Variants in ESRRG observed in about 807,000 individuals in gnomAD.
ESRRG encodes estrogen-related receptor gamma.
ESRRG carries 13 observed loss-of-function variants against 44.0 expected under a neutral mutation model. That is an observed-to-expected ratio of 0.30 (90% CI 0.19 to 0.47). The LOEUF (loss-of-function observed/expected upper bound fraction) is 0.47, where lower values mean the gene tolerates loss of function less well. Ranked by LOEUF, ESRRG falls within the 20% of genes least tolerant of loss-of-function variation. ESRRG has a pLI of 1.00. For synonymous variants in ESRRG, 215 were observed against 214.6 expected (o/e 1.00, Z -0.02); for missense variants, 395 against 580.6 (o/e 0.68, Z 3.29).
intron 1 of ESRRG, among the ~76,000 whole-genome samples, chr1:216,994,962 G>C (rs2076195383): frequency 6.6e-6 from 1 of 152,168 alleles, no homozygotes; most frequent in African/African-American, 2.4e-5. Flanking sequence ...ACACAGATGA[G>C]AGCACCTTCA....
chr1:217,112,260 C>T (rs972972548), intron 1 of ESRRG, among the ~76,000 whole-genome samples: 4 of 152,188 alleles, frequency 2.6e-5, no homozygotes, highest in East Asian at 1.9e-4. Flanking sequence ...TGTATAACTA[C>T]AGCAGAATTT....
chr1:217,120,317 T>A (rs2092802848), intron 1 of ESRRG, among the ~76,000 whole-genome samples: 1 of 152,066 alleles, frequency 6.6e-6, no homozygotes. Context: ...ATTTCATACC[T>A]AATCCTAGAA....
chr1:216,949,462 C>T (rs547070371), intron 1 of ESRRG, among the ~76,000 whole-genome samples: 1 of 152,180 alleles, frequency 6.6e-6, no homozygotes, highest in East Asian at 1.9e-4. Flanking sequence ...TGTACTTAAC[C>T]TTCTTTCAAC....
chr1:216,802,103 C>T (rs1280306521), intron 2 of ESRRG, among the ~76,000 whole-genome samples: 1 of 152,132 alleles, frequency 6.6e-6, no homozygotes, highest in Non-Finnish European at 1.5e-5. Flanking sequence ...TCCCTTCCCC[C>T]AAAGAGCAAA....
In ESRRG at chr1:217,005,781, C is replaced by T. The variant is rs1033923994; in HGVS notation, c.-105-66108G>A. Among the ~76,000 whole-genome samples the T allele has an allele frequency of 3.3e-5, 5 of 152,094 alleles. No individual in the cohort carries two copies. The South Asian group carries it at 1.0e-3, about 31-fold the overall frequency. ...CCATAGCTTTCTATGTCAAAATTCT[C>T]TCTTCTTTTTTTCTAAGCATTTTAA... On this transcript the variant is annotated intron_variant, in intron 1 of 7. Transcript: ENST00000359162.
chr1:216,692,186 T>C (rs1428486982), intron 1 of ESRRG, among the ~76,000 whole-genome samples: 1 of 152,018 alleles, frequency 6.6e-6, no homozygotes, highest in African/African-American at 2.4e-5. Context: ...GGAGAAGGCA[T>C]TGTTGTCATA....
At chr1:216,900,399 C>T (rs2149479345) in intron 2 of ESRRG, among the ~76,000 whole-genome samples, 1 of 152,248 alleles carries the variant, frequency 6.6e-6, no homozygotes. Flanking sequence ...AAGATATCGC[C>T]CACTCATGTT....
At chr1:216,886,589 A>G (rs2576267) in intron 2 of ESRRG, among the ~76,000 whole-genome samples, 32,586 of 152,142 alleles carry the variant, frequency 0.21, 4,677 homozygotes, top group African/African-American at 0.4. Flanking sequence ...TCATCCTCCA[A>G]TATGCCTGTA....
intron 1 of ESRRG, among the ~76,000 whole-genome samples, chr1:217,050,433 C>T (rs966258128): frequency 1.3e-5 from 2 of 152,166 alleles, no homozygotes; most frequent in African/African-American, 4.8e-5. Context: ...TTGGGGACAA[C>T]TGAAGTTTGA....
chr1:216,983,508 A>C (rs1452833482), intron 1 of ESRRG, among the ~76,000 whole-genome samples: 1 of 152,174 alleles, frequency 6.6e-6, no homozygotes, highest in Non-Finnish European at 1.5e-5. Flanking sequence ...CTAGGATTAC[A>C]AACGTGATGT....
chr1:216,737,924 C>G (rs927365875), intron 2 of ESRRG, among the ~76,000 whole-genome samples: 1 of 151,298 alleles, frequency 6.6e-6, no homozygotes, highest in Non-Finnish European at 1.5e-5. Flanking sequence ...CTATCAGTGG[C>G]TTGTGTTAGA....
At chr1:216,529,735 G>A (rs937662646) in intron 5 of ESRRG, among the ~76,000 whole-genome samples, 18 of 151,930 alleles carry the variant, frequency 1.2e-4, no homozygotes, top group Admixed American at 2.0e-4. Context: ...TTTCCCACAC[G>A]TGAAGTTTAA....
chr1:216,670,630 G>A (rs2074981395), intron 2 of ESRRG, among the ~76,000 whole-genome samples: 1 of 152,206 alleles, frequency 6.6e-6, no homozygotes, highest in South Asian at 2.1e-4. Context: ...AAGTGCCAGG[G>A]CCTGAGCGGG....
Position 216,560,553 on chromosome 1 carries a change from C to T in ESRRG, c.862+3666G>A, listed in dbSNP as rs567555999. ...CTGACTAAGCACATTCTGCATTTTG[C>T]TAACAAAGTTACAGTACATAATAAT... On this transcript the variant is annotated intron_variant, in intron 5 of 6. Transcript: ENST00000408911. Among the ~76,000 whole-genome samples the T allele has an allele frequency of 7.9e-5, 12 of 152,226 alleles. No homozygotes were observed. The East Asian group carries it at 2.3e-3, about 29-fold the overall frequency.
intron 2 of ESRRG, among the ~76,000 whole-genome samples, chr1:216,808,399 G>A (rs1046420063): frequency 4.6e-5 from 7 of 152,090 alleles, no homozygotes; most frequent in South Asian, 2.1e-4. Flanking sequence ...CAATGAGAGA[G>A]CATCAATGAA....
intron 2 of ESRRG, among the ~76,000 whole-genome samples, chr1:216,746,786 G>T (rs1313859828): frequency 6.6e-6 from 1 of 152,128 alleles, no homozygotes; most frequent in Non-Finnish European, 1.5e-5. Flanking sequence ...AACAAAGACT[G>T]GTCCCTTTTT....
intron 1 of ESRRG, among the ~76,000 whole-genome samples, chr1:216,716,861 C>T (rs1213099514): frequency 2.0e-5 from 3 of 151,706 alleles, no homozygotes; most frequent in African/African-American, 4.8e-5. Flanking sequence ...GTTAGTGTTG[C>T]GTGGTTTATA....
intron 6 of ESRRG, 101 bp from the exon 7 acceptor site, chr1:216,507,284 TTC>T: frequency 2.6e-6 from 2 of 764,422 alleles, no homozygotes; most frequent in Non-Finnish European, 4.0e-6. Flanking sequence ...ATTTTTGAAC[TTC>T]TCTGAGCTTG....
At chr1:217,113,828 A>T (rs1012785375) in intron 1 of ESRRG, among the ~76,000 whole-genome samples, 1 of 152,074 alleles carries the variant, frequency 6.6e-6, no homozygotes, top group African/African-American at 2.4e-5. Flanking sequence ...CATCTCTACA[A>T]AAAATTTAAA....
Sources: gnomAD v4.1 joint callset for allele counts (sites outside exome capture counted in the v4.1 genomes callset) on GRCh38, gnomAD v4.1.1 for gene constraint, MANE v1.5 for transcripts, NCBI Gene and HGNC (gene_info 2026-07-23, HGNC 2026-07-21) for gene names.